LILRA1: variants seen among roughly 807,000 people sequenced by gnomAD.
LILRA1 encodes leukocyte immunoglobulin like receptor A1, also known as leukocyte immunoglobulin-like receptor subfamily A member 1.
LILRA1 carries 51 observed loss-of-function variants against 51.6 expected under a neutral mutation model. The observed-to-expected ratio is 0.99, with a 90% CI of 0.79 to 1.25. The LOEUF is 1.25. LILRA1 is among the 50% of genes most tolerant of loss of function. The pLI, the probability that LILRA1 is intolerant of heterozygous loss-of-function variation, is 0.00. For missense variants in LILRA1, 660 were observed against 611.7 expected, an observed-to-expected ratio of 1.08 and a Z score of -0.83; for synonymous variants, 305 against 248.4, an observed-to-expected ratio of 1.23 and a Z score of -2.14.
intron 7 of LILRA1, among the ~76,000 whole-genome samples, chr19:54,597,770 G>A (rs10413326): frequency 0.14 from 20,886 of 151,772 alleles, 3,005 homozygotes; most frequent in African/African-American, 0.36. Context: ...CAAGACAAGA[G>A]AGGAGGCCTT....
At chr19:54,600,628 T>C in intron 9 of LILRA1, 71 bp from the exon 10 acceptor site, 1 of 1,611,486 alleles carries the variant, frequency 6.2e-7, no homozygotes, top group Non-Finnish European at 8.5e-7. Context: ...GTGCTCTGGG[T>C]GGACATCCAG....
chr19:54,600,422 A>G, intron 8 of LILRA1, 90 bp from the exon 9 acceptor site: 2 of 1,304,318 alleles, frequency 1.5e-6, no homozygotes, highest in South Asian at 2.4e-5. Context: ...ACTCCCTAGA[A>G]CTCATGTCAG....
Position 54,596,302 on chromosome 19 carries a change from A to G in LILRA1, c.1072A>G (p.Thr358Ala), listed in dbSNP as rs757232446. 22 of 1,613,828 alleles carry G rather than the reference A, an allele frequency of 1.4e-5. No homozygotes were observed. In the South Asian group the frequency reaches 2.1e-4, roughly 15 times the overall value. ...SWGPFHTFLL[T>A]KAGAADAPLR... is the part of the protein sequence containing the mutation. Reference sequence around the variant, plus strand: ...GGGGCCGTTCCACACTTTCCTTCTGACCAAGGCGGGAGCAGCTGATGCCCC... The same window carrying G: ...GGGGCCGTTCCACACTTTCCTTCTGGCCAAGGCGGGAGCAGCTGATGCCCC... Residue 358 changes from threonine to alanine, a missense_variant, in exon 7 of 10, where the codon ACC (threonine) becomes GCC (alanine). Physicochemically the swap from Thr to Ala is moderately conservative, Grantham distance 58 (BLOSUM62 0). Transcript: ENST00000251372.
Position 54,601,166 on chromosome 19 carries a change from G to A in LILRA1, c.*349G>A, listed in dbSNP as rs754842079. On this transcript the variant is annotated 3_prime_UTR_variant, in exon 10 of 10. Transcript: ENST00000251372. ...GCACATCTGTGTGCTCTGGTCCATG[G>A]TGTGTAACACAGTCTTCTTTATTAC... 5.3e-6 allele frequency: 2 copies of A among 379,654 alleles called. No homozygotes were observed. Among genetic ancestry groups the A allele is most frequent in the Non-Finnish European group, 9.8e-6 (2 of 203,754 alleles). 23.5% of individuals were successfully genotyped at this position (379,654 alleles called of 1,614,324 possible). A position where few individuals can be genotyped will look rare whatever the true frequency, so the allele number is the denominator to read the frequency against.
At chr19:54,594,985 C>G (rs2063001240) in intron 4 of LILRA1, 33 bp downstream of exon 4, 11 of 1,611,392 alleles carry the variant, frequency 6.8e-6, no homozygotes, top group Admixed American at 1.7e-5. Context: ...CAGCCCCAGG[C>G]TCTGCCCTCA....
At chr19:54,598,986 G>T (rs1198994423) in intron 7 of LILRA1, among the ~76,000 whole-genome samples, 16 of 151,942 alleles carry the variant, frequency 1.1e-4, no homozygotes, top group Admixed American at 6.6e-5. Flanking sequence ...AGTAGAGACA[G>T]GGTTTCACCA....
In LILRA1 at chr19:54,597,957, G is replaced by A. The variant is rs569378690; in HGVS notation, c.1262-1279G>A. Among the ~76,000 whole-genome samples, 5 of 151,530 alleles carry A rather than the reference G, an allele frequency of 3.3e-5. No individual in the cohort carries two copies. In the East Asian group the frequency reaches 1.0e-3, roughly 31 times the overall value. ...TGAGCACAGGAGGGGCCGTGTGAGC[G>A]GCACCCACAGCTGGAGTGCTTCTCT... On this transcript the variant is annotated intron_variant, in intron 7 of 9. Transcript: ENST00000251372.
chr19:54,594,548 G>A, intron 3 of LILRA1, 72 bp downstream of exon 3: 2 of 1,613,900 alleles, frequency 1.2e-6, no homozygotes, highest in South Asian at 1.1e-5. Flanking sequence ...GTGCAGCTGG[G>A]GATGGGGAAT....
At chr19:54,594,984 G>C (rs1017056326) in intron 4 of LILRA1, 32 bp downstream of exon 4, 9 of 1,611,386 alleles carry the variant, frequency 5.6e-6, no homozygotes, top group Non-Finnish European at 5.1e-6. Context: ...CCAGCCCCAG[G>C]CTCTGCCCTC....
intron 8 of LILRA1, chr19:54,599,631 T>G: frequency 1.0e-6 from 1 of 980,754 alleles, no homozygotes; most frequent in South Asian, 2.4e-5. Context: ...TACTTCTTTA[T>G]TTCTAAATTA....
chr19:54,593,736 T>G lies in LILRA1; in HGVS notation c.-94T>G, dbSNP rs28526401. ...CTGAGTCTGCCTGCAGCATGGACCT[T>G]GGTCTTCCCTGAAGCATCTCCAGGG... On this transcript the variant is annotated 5_prime_UTR_variant, in exon 1 of 10. Coordinates refer to ENST00000251372, the MANE Select transcript of LILRA1 (RefSeq NM_006863.4). The G allele has an allele frequency of 0.15, 83,373 of 568,218 alleles. 6,470 individuals are homozygous for G. Among genetic ancestry groups the G allele is most frequent in the African/African-American group, 0.39 (20,254 of 52,558 alleles). 35.2% of individuals were successfully genotyped at this position (568,218 alleles called of 1,614,324 possible).
rs555171577 is a variant in LILRA1, at chr19:54,594,808, C to T, written c.214C>T (p.Arg72Trp). The T allele has an allele frequency of 4.3e-5, 70 of 1,614,162 alleles. No individual in the cohort carries two copies. Among genetic ancestry groups the T allele is most frequent in the South Asian group, 3.1e-4 (28 of 91,086 alleles). ...AAAGAAAACAGCACCCTGGATTACA[C>T]GGATCCCACAGGAGATTGTGAAGAA... is the stretch of plus-strand genomic sequence containing the variant. ...REKKTAPWIT[R>W]IPQEIVKKGQ... The change falls in exon 4 of 10, where the codon CGG (arginine) becomes TGG (tryptophan). Residue 72 changes from arginine (R) to tryptophan (W), a missense_variant. By Grantham distance (101) the Arg-to-Trp change is moderately radical. Coordinates refer to ENST00000251372, the MANE Select transcript of LILRA1 (RefSeq NM_006863.4).
chr19:54,595,203 C>T lies in LILRA1; in HGVS notation c.462C>T (p.Phe154=). The stretch of plus-strand genomic sequence containing the variant: ...TCTCACAGGTGGCATTTGGCAGCTT[C>T]ATTCTGTGTAAGGAAGGAGAAGATG... ...HCVSQVAFGS[F]ILCKEGEDEH... The change falls in exon 5 of 10, where the codon TTC becomes TTT. Residue 154 remains phenylalanine (F), a synonymous_variant. Transcript: ENST00000251372. 4.3e-6 allele frequency: 7 copies of T among 1,614,122 alleles called. No homozygotes were observed. Among genetic ancestry groups the T allele is most frequent in the Non-Finnish European group, 5.9e-6 (7 of 1,180,014 alleles).
rs759964535 is a variant in LILRA1, at chr19:54,594,874, G to A, written c.280G>A (p.Gly94Arg). 5 of 1,614,056 alleles carry A rather than the reference G, an allele frequency of 3.1e-6. No individual in the cohort carries two copies. The highest frequency in any genetic ancestry group is 1.7e-5 in the Admixed American group (1 of 60,014). Residue 94 changes from glycine to arginine, a missense_variant, in exon 4 of 10, where the codon GGG becomes AGG. Coordinates refer to ENST00000251372, the MANE Select transcript of LILRA1 (RefSeq NM_006863.4). The part of the protein sequence containing the change: ...PIPSITWEHT[G>R]RYRCFYGSHT... ...CCCATCCATCACCTGGGAACACACA[G>A]GGCGGTATCGCTGTTTCTACGGTAG...
In LILRA1 at chr19:54,596,437, T is replaced by A. The variant is rs200483838; in HGVS notation, c.1207T>A (p.Ser403Thr). Reference protein sequence around the residue: ...GTYRCYGSLSSNPYLLSHPSD... With the variant: ...GTYRCYGSLSTNPYLLSHPSD... ...CTACAGGTGCTACGGCTCACTCAGC[T>A]CCAACCCCTACCTGCTGTCTCACCC... The change falls in exon 7 of 10, where the codon TCC becomes ACC. Residue 403 changes from serine to threonine, a missense_variant. Transcript: ENST00000251372. 6.2e-7 allele frequency: 1 copy of A among 1,614,030 alleles called. No individual in the cohort carries two copies. Among genetic ancestry groups the A allele is most frequent in the South Asian group, 1.1e-5 (1 of 91,080 alleles).
chr19:54,599,123 G>T (rs2063119231), intron 7 of LILRA1, 113 bp from the exon 8 acceptor site: 2 of 1,268,392 alleles, frequency 1.6e-6, no homozygotes, highest in South Asian at 2.5e-5. Context: ...GTCTACCCAG[G>T]ACACCCACCT....
rs367904595 is a variant in LILRA1 at position 54,599,721 on chromosome 19, C to T, written c.1312+435C>T. ...AAATATCTGAAGTTTTACATATATA[C>T]ATATTTATGTGTGGTTAAGTAAGAT... On this transcript the variant is annotated intron_variant, in intron 8 of 9. Transcript: ENST00000251372. 2.1e-5 allele frequency: 11 copies of T among 531,766 alleles called. No individual in the cohort carries two copies. In the East Asian group the frequency reaches 1.0e-3, roughly 49 times the overall value. The allele number at this position is 531,766 out of a possible 1,614,324, so 32.9% of individuals were successfully genotyped here. A position where few individuals can be genotyped will look rare whatever the true frequency, so the allele number is the denominator to read the frequency against.
Position 54,594,252 on chromosome 19 carries a change from C to T in LILRA1, c.8C>T (p.Pro3Leu), listed in dbSNP as rs1172401688. ...GCAGTGGGAGGAGACGCTATGACCC[C>T]CATCGTCACAGTCCTGATCTGTCTC... The part of the protein sequence containing the change: MT[P>L]IVTVLICLRL... Residue 3 changes from proline (P) to leucine (L), a missense_variant, in exon 2 of 10, where the codon CCC (proline) becomes CTC (leucine). Transcript: ENST00000251372. 1.2e-6 allele frequency: 2 copies of T among 1,612,470 alleles called. No individual in the cohort carries two copies. The highest frequency in any genetic ancestry group is 1.3e-5 in the African/African-American group (1 of 74,680).
rs2063153317 is a variant in LILRA1, at chr19:54,601,008, A to G, written c.*191A>G. ...GCAGAGACATTTTCTGGAGTGATCC[A>G]TGAAGGACCATTAACCTGTGATACC... On this transcript the variant is annotated 3_prime_UTR_variant, in exon 10 of 10. Transcript: ENST00000251372. The G allele has an allele frequency of 1.7e-5, 11 of 657,802 alleles. No homozygotes were observed. The South Asian group carries it at 2.0e-4, about 12-fold the overall frequency. 40.7% of individuals were successfully genotyped at this position (657,802 alleles called of 1,614,324 possible). A position where few individuals can be genotyped will look rare whatever the true frequency, so the allele number is the denominator to read the frequency against.
Sources: gnomAD v4.1 joint callset for allele counts (sites outside exome capture counted in the v4.1 genomes callset) on GRCh38, gnomAD v4.1.1 for gene constraint, MANE v1.5 for transcripts, NCBI Gene and HGNC (gene_info 2026-07-23, HGNC 2026-07-21) for gene names.